The following INO80 variants were observed in gnomAD, a reference collection of about 807,000 sequenced individuals.
INO80 encodes chromatin-remodeling ATPase INO80.
Under a neutral mutation model 203.4 loss-of-function variants are expected in INO80, and 20 were observed. The observed-to-expected ratio is 0.10, with a 90% CI of 0.07 to 0.14. The LOEUF (loss-of-function observed/expected upper bound fraction) is 0.14. Ranked by LOEUF, INO80 falls within the 10% of genes least tolerant of loss-of-function variation. The pLI is 1.00. For missense variants in INO80, 1,419 were observed against 1,914.4 expected, an observed-to-expected ratio of 0.74 and a Z score of 4.83; for synonymous variants, 726 against 685.2, an observed-to-expected ratio of 1.06 and a Z score of -0.93.
chr15:41,044,817 T>A, intron 24 of INO80, 87 bp downstream of exon 24: 1 of 1,377,604 alleles, frequency 7.3e-7, no homozygotes, highest in Admixed American at 2.6e-5. Context: ...CTCTCAGGCC[T>A]TCATTTACTT....
At chr15:40,981,480 A>G (rs1270659530) in intron 35 of INO80, among the ~76,000 whole-genome samples, 1 of 152,302 alleles carries the variant, frequency 6.6e-6, no homozygotes, top group Non-Finnish European at 1.5e-5. Flanking sequence ...TATTTCCTCT[A>G]TCATACTTCA....
chr15:41,073,542 G>A lies in INO80; in HGVS notation c.1328-47C>T, dbSNP rs190617141. Reference sequence around the variant, plus strand: ...TTATCACACTTTATCAACTGATTTTGTTCTAAGATACAATTAACACCAATG... The same window carrying A: ...TTATCACACTTTATCAACTGATTTTATTCTAAGATACAATTAACACCAATG... On this transcript the variant is annotated intron_variant, in intron 10 of 35. Transcript: ENST00000648947. 2.1e-6 allele frequency: 3 copies of A among 1,447,828 alleles called. No homozygotes were observed. In the South Asian group the frequency reaches 3.4e-5, roughly 16 times the overall value. 89.7% of individuals were successfully genotyped at this position (1,447,828 alleles called of 1,614,324 possible). A position where few individuals can be genotyped will look rare whatever the true frequency, so the allele number is the denominator to read the frequency against.
At chr15:41,105,378 T>C (rs1017525786) in intron 1 of INO80, among the ~76,000 whole-genome samples, 23 of 152,220 alleles carry the variant, frequency 1.5e-4, no homozygotes, top group African/African-American at 5.3e-4. Flanking sequence ...TCACCCATTC[T>C]ACTGAGATTT....
intron 7 of INO80, among the ~76,000 whole-genome samples, chr15:41,081,299 CT>C (rs1370119552): frequency 6.6e-6 from 1 of 152,154 alleles, no homozygotes; most frequent in Non-Finnish European, 1.5e-5. Flanking sequence ...CTTAAATAGT[CT>C]TCTGTATACT....
At chr15:41,063,702 C>T (rs555063244) in intron 14 of INO80, among the ~76,000 whole-genome samples, 1 of 152,076 alleles carries the variant, frequency 6.6e-6, no homozygotes, top group African/African-American at 2.4e-5. Context: ...ACCCTGGAGA[C>T]GGAGGTTGCA....
chr15:41,058,552 TGTGTGTGTGTGTGTGTGC>T (rs2045038702), intron 16 of INO80, 69 bp downstream of exon 16: 30 of 615,428 alleles, frequency 4.9e-5, no homozygotes, highest in Non-Finnish European at 6.6e-5. Context: ...TATACAAGTC[TGTGTGTGTGTGTGTGTGC>T]GTGTGTGTGT....
intron 29 of INO80, among the ~76,000 whole-genome samples, chr15:40,995,017 G>A (rs1438339423): frequency 6.6e-6 from 1 of 151,986 alleles, no homozygotes; most frequent in East Asian, 1.9e-4. Flanking sequence ...CAGCACATAC[G>A]GCTAATTTTT....
intron 25 of INO80, 68 bp from the exon 26 acceptor site, chr15:41,021,193 C>G: frequency 9.2e-7 from 1 of 1,091,520 alleles, no homozygotes; most frequent in Non-Finnish European, 1.4e-6. Context: ...TTTTGGGAAC[C>G]TCAACTTTGA....
chr15:41,037,657 G>A (rs2044600413), intron 24 of INO80, among the ~76,000 whole-genome samples: 1 of 152,054 alleles, frequency 6.6e-6, no homozygotes, highest in Non-Finnish European at 1.5e-5. Flanking sequence ...AAAAAGTATA[G>A]TTGGGCTGGG....
intron 22 of INO80, 49 bp downstream of exon 22, chr15:41,048,163 C>G (rs1299160836): frequency 1.4e-6 from 2 of 1,408,276 alleles, no homozygotes; most frequent in African/African-American, 2.8e-5. Context: ...CAAAGAGCAT[C>G]CTGGTAAAAC....
At chr15:41,006,949 A>AC (rs558940509) in intron 27 of INO80, among the ~76,000 whole-genome samples, 257 of 152,232 alleles carry the variant, frequency 1.7e-3, no homozygotes, top group African/African-American at 5.7e-3. Flanking sequence ...GCAGAAGGGT[A>AC]GGGGGCGTTT....
intron 9 of INO80, among the ~76,000 whole-genome samples, chr15:41,076,601 G>T (rs555796983): frequency 1.9e-4 from 29 of 152,010 alleles, no homozygotes; most frequent in African/African-American, 6.5e-4. Context: ...AATTTGCCAG[G>T]CATGGTAGCA....
chr15:41,008,910 A>G (rs1330232830), intron 27 of INO80, among the ~76,000 whole-genome samples: 1 of 152,142 alleles, frequency 6.6e-6, no homozygotes, highest in Non-Finnish European at 1.5e-5. Flanking sequence ...CTTGGCTCAC[A>G]GCAACTTCCA....
Position 41,102,224 on chromosome 15 carries a change from T to G in INO80, c.-43-5871A>C, listed in dbSNP as rs1449772302. Among the ~76,000 whole-genome samples, 5 of 152,286 alleles carry G rather than the reference T, an allele frequency of 3.3e-5. No homozygotes were observed. The East Asian group carries it at 7.7e-4, about 24-fold the overall frequency. ...AAGATACGACTATGTCTTATGTCAC[T>G]TATTATGGGTTCATGCCCATGCATT... On this transcript the variant is annotated intron_variant, in intron 1 of 35. Transcript: ENST00000648947.
chr15:41,110,713 G>A (rs954639669), intron 1 of INO80, among the ~76,000 whole-genome samples: 6 of 152,176 alleles, frequency 3.9e-5, no homozygotes, highest in Non-Finnish European at 7.3e-5. Flanking sequence ...TTACAGGTGT[G>A]AGCTACCATG....
At chr15:41,077,150 G>GC (rs2045415882) in intron 9 of INO80, among the ~76,000 whole-genome samples, 1 of 151,178 alleles carries the variant, frequency 6.6e-6, no homozygotes, top group South Asian at 2.1e-4. Context: ...CTCTTGATCC[G>GC]CCCACCTCGG....
In INO80 at chr15:40,987,084, T is replaced by G. The variant is rs373858036; in HGVS notation, c.3832+7A>C. The G allele has an allele frequency of 4.4e-5, 68 of 1,529,586 alleles. 1 individual carries two copies. In the African/African-American group the frequency reaches 7.9e-4, roughly 18 times the overall value. The allele number at this position is 1,529,586 out of a possible 1,614,324, so 94.8% of individuals were successfully genotyped here. On this transcript the variant is annotated splice_region_variant and intron_variant, in intron 31 of 35. Coordinates refer to ENST00000648947, the MANE Select transcript of INO80 (RefSeq NM_017553.3). Reference sequence around the variant, plus strand: ...GAGGGGAGTGTATAGAGGTTTAGAGTACATACGTTTCTTCTCCAACTCTTC... The same window carrying G: ...GAGGGGAGTGTATAGAGGTTTAGAGGACATACGTTTCTTCTCCAACTCTTC...
chr15:40,991,029 G>C (rs964974310), intron 29 of INO80, among the ~76,000 whole-genome samples: 4 of 152,144 alleles, frequency 2.6e-5, no homozygotes, highest in Admixed American at 6.5e-5. Flanking sequence ...GTGGAGGTGG[G>C]TGGAGGGAGA....
intron 25 of INO80, among the ~76,000 whole-genome samples, chr15:41,024,259 T>C (rs1312398560): frequency 6.6e-6 from 1 of 152,126 alleles, no homozygotes; most frequent in Non-Finnish European, 1.5e-5. Flanking sequence ...AATCATACAA[T>C]GTCATGTTGT....
Sources: allele counts gnomAD v4.1 joint callset (sites outside exome capture counted in the v4.1 genomes callset), GRCh38; gene constraint gnomAD v4.1.1; transcripts MANE v1.5; gene names NCBI Gene and HGNC (gene_info 2026-07-23, HGNC 2026-07-21).